TUBA4A: variants seen among roughly 807,000 people sequenced by gnomAD.
TUBA4A encodes tubulin alpha-4A chain.
A neutral mutation model predicts 34.3 loss-of-function variants in TUBA4A; 23 were observed. The ratio of observed to expected loss-of-function variants is 0.67; its 90% CI spans 0.48 to 0.95. The LOEUF (loss-of-function observed/expected upper bound fraction) is 0.95, where lower values mean the gene tolerates loss of function less well. Among genes scored for constraint, TUBA4A ranks in the 40% least tolerant of loss-of-function variants. TUBA4A has a pLI of 0.00. For missense variants in TUBA4A, 279 were observed against 599.0 expected (o/e 0.47, Z 5.58); for synonymous variants, 216 against 230.5 (o/e 0.94, Z 0.57).
At position 219,251,139 on chromosome 2, in the gene TUBA4A, G is replaced by A; in HGVS notation, c.560C>T (p.Ser187Phe). ...CAGGGTGGTGTGGGTGGTCAGGATA[G>A]AGTTGTAGGGCTCGACCACGGCTGT... ...VSTAVVEPYN[S>F]ILTTHTTLEH... The change falls in exon 4 of 4, where the codon TCT (serine) becomes TTT (phenylalanine). Residue 187 changes from serine (S) to phenylalanine (F), a missense_variant. This residue lies in a region of TUBA4A where 108 missense variants were observed against 299.9 expected (regional missense o/e 0.36). Transcript: ENST00000248437. This position sits in a 1 kb window ranked among gnomAD's most constrained non-coding sequence, Gnocchi z 6.1. 2 of 1,614,246 alleles carry A rather than the reference G, an allele frequency of 1.2e-6. No homozygotes were observed. Among genetic ancestry groups the A allele is most frequent in the Non-Finnish European group, 8.5e-7 (1 of 1,180,048 alleles).
chr2:219,252,099 C>T lies in TUBA4A; in HGVS notation c.135G>A (p.Gly45=). 1 of 1,614,154 alleles carries T rather than the reference C, an allele frequency of 6.2e-7. No homozygotes were observed. Among genetic ancestry groups the T allele is most frequent in the East Asian group, 2.2e-5 (1 of 44,880 alleles). Reference sequence around the variant, plus strand: ...AGAAGAAGGTGGTGAAGGAGTCGTCCCCTCCACCAATGGTCTTGTCACTGG... The same window carrying T: ...AGAAGAAGGTGGTGAAGGAGTCGTCTCCTCCACCAATGGTCTTGTCACTGG... ...QMPSDKTIGG[G]DDSFTTFFCE... The change falls in exon 2 of 4, where the codon GGG becomes GGA. Residue 45 remains glycine (G), a synonymous_variant. Transcript: ENST00000248437. This position sits in a 1 kb window ranked among gnomAD's most constrained non-coding sequence, Gnocchi z 4.1.
chr2:219,252,931 T>C lies in TUBA4A; in HGVS notation c.4-701A>G. On this transcript the variant is annotated intron_variant, in intron 1 of 3. Coordinates refer to ENST00000248437, the MANE Select transcript of TUBA4A (RefSeq NM_006000.3). This position sits in a 1 kb window ranked among gnomAD's most constrained non-coding sequence, Gnocchi z 4.1. ...AGCCCGAAATTAACCCCTAAAGCACTAAAGTCCGGCAGGGCCCGCGCGCTC... is the reference window on the plus strand; with the variant it reads ...AGCCCGAAATTAACCCCTAAAGCACCAAAGTCCGGCAGGGCCCGCGCGCTC... 1 of 482,046 alleles carries C rather than the reference T, an allele frequency of 2.1e-6. No individual in the cohort carries two copies. Among genetic ancestry groups the C allele is most frequent in the Non-Finnish European group, 4.2e-6 (1 of 235,656 alleles). 29.9% of individuals were successfully genotyped at this position (482,046 alleles called of 1,614,324 possible). A position where few individuals can be genotyped will look rare whatever the true frequency, so the allele number is the denominator to read the frequency against.
At chr2:219,253,438 C>A in intron 1 of TUBA4A, 1 of 1,494,768 alleles carries the variant, frequency 6.7e-7, no homozygotes, top group Non-Finnish European at 9.0e-7. Context: ...ACCCCTTCCA[C>A]CTTCTAGCGC....
chr2:219,253,400 A>G (rs1233500217), intron 1 of TUBA4A: 2 of 1,532,302 alleles, frequency 1.3e-6, no homozygotes, highest in African/African-American at 2.7e-5. Context: ...TACACAGAGG[A>G]AAGGGGGATG....
intron 1 of TUBA4A, chr2:219,253,223 C>A (rs866820757): frequency 2.1e-4 from 309 of 1,493,558 alleles, no homozygotes; most frequent in Admixed American, 4.1e-4. Context: ...CCTCGGCCCG[C>A]GCAGTGCTCA....
At chr2:219,253,959 G>GCC (rs1559278018), upstream of TUBA4A, 2 of 1,147,208 alleles carry the variant, frequency 1.7e-6, no homozygotes, top group African/African-American at 3.3e-5. Flanking sequence ...GCGGGGGGGG[G>GCC]GCGGGGCCCG....
Position 219,252,633 on chromosome 2 carries a change from G to A in TUBA4A, c.4-403C>T, listed in dbSNP as rs532642072. 9.9e-5 allele frequency: 39 copies of A among 392,176 alleles called. No individual in the cohort carries two copies. The East Asian group carries it at 2.9e-3, about 29-fold the overall frequency. 24.3% of individuals were successfully genotyped at this position (392,176 alleles called of 1,614,324 possible). On this transcript the variant is annotated intron_variant, in intron 1 of 3. Transcript: ENST00000248437. This position sits in a 1 kb window ranked among gnomAD's most constrained non-coding sequence, Gnocchi z 4.1. ...TCTTTCTTTCCTGTAAGCTGCAGAG[G>A]TGTCTCAGCCATCCAATCTGGCATC... is the stretch of plus-strand genomic sequence containing the variant.
chr2:219,253,718 A>G, intron 1 of TUBA4A, 138 bp downstream of exon 1: 2 of 1,045,288 alleles, frequency 1.9e-6, no homozygotes, highest in Non-Finnish European at 2.8e-6. Context: ...GGGGTTGGGG[A>G]GGGAGGATGC....
chr2:219,251,939 CCT>C lies in TUBA4A; in HGVS notation c.226+67_226+68del. 1 of 1,519,236 alleles carries C rather than the reference CCT, an allele frequency of 6.6e-7. No individual in the cohort carries two copies. Among genetic ancestry groups the C allele is most frequent in the Non-Finnish European group, 9.1e-7 (1 of 1,102,456 alleles). 94.1% of individuals were successfully genotyped at this position (1,519,236 alleles called of 1,614,324 possible). A position where few individuals can be genotyped will look rare whatever the true frequency, so the allele number is the denominator to read the frequency against. On this transcript the variant is annotated intron_variant, in intron 2 of 3. Transcript: ENST00000248437. The surrounding 1 kb of genome is among the most constrained non-coding windows in gnomAD (Gnocchi z 6.1). The stretch of plus-strand genomic sequence containing the variant: ...GGCTAGGAATGCCTGGTCTAAATAC[CCT>C]CTCTCTCCAGGGAGAAGCTTTGAGT...
In TUBA4A at chr2:219,252,184, C is replaced by T; in HGVS notation, c.50G>A (p.Gly17Asp). ...VHVGQAGVQM[G>D]NACWELYCLE... ...GCAATAGAGCTCCCAGCAGGCATTG[C>T]CCATCTGGACACCTGCCTGCCCCAC... Residue 17 changes from glycine (G) to aspartate (D), a missense_variant, in exon 2 of 4, where the codon GGC (glycine) becomes GAC (aspartate). Physicochemically the swap from Gly to Asp is moderately conservative, Grantham distance 94. Transcript: ENST00000248437. This position sits in a 1 kb window ranked among gnomAD's most constrained non-coding sequence, Gnocchi z 4.1. The T allele has an allele frequency of 6.2e-7, 1 of 1,614,150 alleles. No individual in the cohort carries two copies. The highest frequency in any genetic ancestry group is 8.5e-7 in the Non-Finnish European group (1 of 1,179,986).
At position 219,253,871 on chromosome 2, in the gene TUBA4A, C is replaced by T; in HGVS notation, c.-13G>A. ...CCGCACTCACCATGGTGAGTCCGGG[C>T]GGTGCGTCTCACGTTGAGTCGGGGT... On this transcript the variant is annotated 5_prime_UTR_variant, in exon 1 of 4. Transcript: ENST00000248437. 8.2e-6 allele frequency: 12 copies of T among 1,454,584 alleles called. No homozygotes were observed. The highest frequency in any genetic ancestry group is 1.4e-5 in the African/African-American group (1 of 69,006). The allele number at this position is 1,454,584 out of a possible 1,614,324, so 90.1% of individuals were successfully genotyped here. A position where few individuals can be genotyped will look rare whatever the true frequency, so the allele number is the denominator to read the frequency against.
chr2:219,253,161 G>A, intron 1 of TUBA4A: 2 of 1,522,584 alleles, frequency 1.3e-6, no homozygotes, highest in African/African-American at 1.4e-5. Context: ...CCCGCTCCTG[G>A]GCTATAAATA....
chr2:219,253,694 A>C (rs920839819), intron 1 of TUBA4A, among the ~76,000 whole-genome samples, 162 bp downstream of exon 1: 1 of 152,180 alleles, frequency 6.6e-6, no homozygotes, highest in African/African-American at 2.4e-5. Flanking sequence ...CGGCTCGGCC[A>C]AAGTCACCAG....
chr2:219,253,361 G>GC, intron 1 of TUBA4A: 1 of 1,534,134 alleles, frequency 6.5e-7, no homozygotes, highest in African/African-American at 1.4e-5. Context: ...TCACGGGGGG[G>GC]GGGTGGTTCT....
chr2:219,253,042 C>A, intron 1 of TUBA4A: 1 of 934,372 alleles, frequency 1.1e-6, no homozygotes, highest in Non-Finnish European at 1.6e-6. Flanking sequence ...GGTGACCCGC[C>A]TTGTCCCGGG....
chr2:219,254,116 T>G, upstream of TUBA4A: 1 of 405,174 alleles, frequency 2.5e-6, no homozygotes, highest in Non-Finnish European at 4.4e-6. Context: ...GGATTAAGAG[T>G]CGCGATTCGG....
At position 219,250,073 on chromosome 2, in the gene TUBA4A, AT is replaced by A. The variant is rs1951619487; in HGVS notation, c.*278del. 7.4e-6 allele frequency: 3 copies of A among 402,854 alleles called. No individual in the cohort carries two copies. Among genetic ancestry groups the A allele is most frequent in the Non-Finnish European group, 1.3e-5 (3 of 222,780 alleles). 25.0% of individuals were successfully genotyped at this position (402,854 alleles called of 1,614,324 possible). On this transcript the variant is annotated 3_prime_UTR_variant, in exon 4 of 4. Transcript: ENST00000248437. This position sits in a 1 kb window ranked among gnomAD's most constrained non-coding sequence, Gnocchi z 8.4. ...TCATCCTTCAACAGTTTGTGCCTGG[AT>A]TTTGGTCCTCATTTCCTCCCTATAC...
rs948620382 is a variant in TUBA4A at position 219,250,124 on chromosome 2, A to C, written c.*228T>G. 1.1e-5 allele frequency: 7 copies of C among 638,450 alleles called. No individual in the cohort carries two copies. The highest frequency in any genetic ancestry group is 1.8e-5 in the African/African-American group (1 of 55,096). 39.5% of individuals were successfully genotyped at this position (638,450 alleles called of 1,614,324 possible). Reference sequence around the variant, plus strand: ...CTGAGTAACCCTAGGACTTCAATTTAAAGTCCCTGGGGTTATGCTTCCTGG... The same window carrying C: ...CTGAGTAACCCTAGGACTTCAATTTCAAGTCCCTGGGGTTATGCTTCCTGG... On this transcript the variant is annotated 3_prime_UTR_variant, in exon 4 of 4. Coordinates refer to ENST00000248437, the MANE Select transcript of TUBA4A (RefSeq NM_006000.3). The surrounding 1 kb of genome is among the most constrained non-coding windows in gnomAD (Gnocchi z 8.4).
Position 219,252,976 on chromosome 2 carries a change from G to A in TUBA4A, c.4-746C>T, listed in dbSNP as rs1357947613. The A allele has an allele frequency of 3.9e-6, 2 of 518,702 alleles. No homozygotes were observed. The highest frequency in any genetic ancestry group is 2.0e-5 in the African/African-American group (1 of 51,268). 32.1% of individuals were successfully genotyped at this position (518,702 alleles called of 1,614,324 possible). A position where few individuals can be genotyped will look rare whatever the true frequency, so the allele number is the denominator to read the frequency against. ...GCGCTCTTCCCACACCGAAATGGCG[G>A]GGTGACGGTTTCCAAATACCCAGAA... On this transcript the variant is annotated intron_variant, in intron 1 of 3. Coordinates refer to ENST00000248437, the MANE Select transcript of TUBA4A (RefSeq NM_006000.3). The surrounding 1 kb of genome is among the most constrained non-coding windows in gnomAD (Gnocchi z 4.1).
Sources: gnomAD v4.1 joint callset for allele counts (sites outside exome capture counted in the v4.1 genomes callset) on GRCh38, gnomAD v4.1.1 for gene constraint, gnomAD v4.1.1 regional missense constraint, Gnocchi (gnomAD v3.1) non-coding constraint, MANE v1.5 for transcripts, NCBI Gene and HGNC (gene_info 2026-07-23, HGNC 2026-07-21) for gene names.